TTN: variants seen among roughly 807,000 people sequenced by gnomAD.
TTN encodes the protein titin.
A neutral mutation model predicts 3,223.0 loss-of-function variants in TTN; 1,525 were observed. That is an observed-to-expected ratio of 0.47 (90% CI 0.45 to 0.49). The LOEUF is 0.49. Ranked by LOEUF, TTN falls within the 20% of genes least tolerant of loss-of-function variation. The pLI is 0.00. For missense variants in TTN, 40,786 were observed against 43,424.0 expected, an observed-to-expected ratio of 0.94 and a Z score of 5.40; for synonymous variants, 14,094 against 15,161.0, an observed-to-expected ratio of 0.93 and a Z score of 5.17.
At chr2:178,754,558 A>G (rs2086432164) in intron 46 of TTN, among the ~76,000 whole-genome samples, 1 of 152,194 alleles carries the variant, frequency 6.6e-6, no homozygotes, top group Admixed American at 6.6e-5. Context: ...GTGAGTTAAG[A>G]GATCTACATT....
chr2:178,670,014 AG>A (rs2066693120), intron 157 of TTN, among the ~76,000 whole-genome samples: 2 of 152,152 alleles, frequency 1.3e-5, no homozygotes, highest in South Asian at 4.1e-4. Context: ...ATTAAATAAG[AG>A]GATCAATACA....
intron 228 of TTN, 21 bp downstream of exon 228, chr2:178,635,144 T>A: frequency 6.2e-7 from 1 of 1,608,410 alleles, no homozygotes; most frequent in Non-Finnish European, 8.5e-7. Context: ...GACTAACAAT[T>A]TAAAATGTGA....
Position 178,539,131 on chromosome 2 carries a change from T to C in TTN, c.98804A>G (p.Glu32935Gly), listed in dbSNP as rs879037584. 1.2e-6 allele frequency: 2 copies of C among 1,613,808 alleles called. No homozygotes were observed. Among genetic ancestry groups the C allele is most frequent in the Non-Finnish European group, 1.7e-6 (2 of 1,179,744 alleles). Residue 32935 changes from glutamate to glycine, a missense_variant, in exon 353 of 363, where the codon GAA becomes GGA. Glu to Gly is a moderately conservative substitution (Grantham distance 98, BLOSUM62 -2). Transcript: ENST00000589042. ...CTTGTCAGTGGATGTCTCTTTGCGT[T>C]CGATGTAGTAGCCTGTGACTCTAGA... ...GGSRVTGYYI[E>G]RKETSTDKWV...
chr2:178,749,063 C>G, intron 47 of TTN: 1 of 1,612,792 alleles, frequency 6.2e-7, no homozygotes, highest in Non-Finnish European at 8.5e-7. Flanking sequence ...TATCTCTTCA[C>G]CAAGGGATTC....
chr2:178,567,321 C>T lies in TTN; in HGVS notation c.78811G>A (p.Val26271Ile), dbSNP rs748841355. ...GGQYILRASN[V>I]AGSKSFPVNV... ...ACTGGGAATGACTTAGAACCTGCAA[C>T]ATTGGAAGCTCTTAAAATATACTGC... Residue 26271 changes from valine to isoleucine, a missense_variant, in exon 326 of 363, where the codon GTT (valine) becomes ATT (isoleucine). Transcript: ENST00000589042. 2.5e-6 allele frequency: 4 copies of T among 1,605,466 alleles called. No individual in the cohort carries two copies. The highest frequency in any genetic ancestry group is 3.3e-4 in the Middle Eastern group (2 of 6,028).
chr2:178,533,242 T>C lies in TTN; in HGVS notation c.103373A>G (p.Tyr34458Cys), dbSNP rs754844309. The C allele has an allele frequency of 6.2e-7, 1 of 1,613,982 alleles. No homozygotes were observed. Among genetic ancestry groups the C allele is most frequent in the Admixed American group, 1.7e-5 (1 of 60,026 alleles). The stretch of plus-strand genomic sequence containing the variant: ...CTTACTCTTGAATTCCTGTTTCTTG[T>C]ACCTCAGGCGTTCCACTTGTAGGTG... ...QAHLQVERLR[Y>C]KKQEFKSKEE... Residue 34458 changes from tyrosine to cysteine, a missense_variant, in exon 358 of 363, where the codon TAC becomes TGC. Physicochemically the swap from Tyr to Cys is radical, Grantham distance 194. Coordinates refer to ENST00000589042, the MANE Select transcript of TTN (RefSeq NM_001267550.2).
intron 94 of TTN, 50 bp from the exon 95 acceptor site, chr2:178,712,643 C>A: frequency 1.9e-6 from 3 of 1,606,280 alleles, no homozygotes; most frequent in Non-Finnish European, 2.6e-6. Flanking sequence ...TACATACAGA[C>A]AAAGACACAT....
chr2:178,751,783 A>T, intron 47 of TTN: 2 of 1,613,206 alleles, frequency 1.2e-6, no homozygotes, highest in South Asian at 2.2e-5. Flanking sequence ...GCCGATTGTT[A>T]TGAAACCAAG....
At position 178,720,492 on chromosome 2, in the gene TTN, G is replaced by C. The variant is rs2154300676; in HGVS notation, c.23270C>G (p.Thr7757Arg). Residue 7757 changes from threonine to arginine, a missense_variant, in exon 80 of 363, where the codon ACA (threonine) becomes AGA (arginine). Coordinates refer to ENST00000589042, the MANE Select transcript of TTN (RefSeq NM_001267550.2). ...TTCAAGATTAAGGATATGAAGACTT[G>C]TATCAAAATGTTTTGAAGTGATTTT... ...KFKITSKHFD[T>R]SLHILNLEAS... 1 of 1,613,660 alleles carries C rather than the reference G, an allele frequency of 6.2e-7. No individual in the cohort carries two copies. The highest frequency in any genetic ancestry group is 1.7e-5 in the Admixed American group (1 of 59,994).
Position 178,552,697 on chromosome 2 carries a change from T to G in TTN, c.90203A>C (p.Glu30068Ala), listed in dbSNP as rs1281127111. 6.2e-7 allele frequency: 1 copy of G among 1,613,916 alleles called. No individual in the cohort carries two copies. Among genetic ancestry groups the G allele is most frequent in the Non-Finnish European group, 8.5e-7 (1 of 1,179,834 alleles). ...CGTCTGTTCACCTTTACCTTTCCTT[T>G]CTACAACATATTCTGTGATGACGCT... ...GGSVITEYVV[E>A]RKGKGEQTWS... Residue 30068 changes from glutamate to alanine, a missense_variant, in exon 335 of 363, where the codon GAA becomes GCA. By Grantham distance (107) the Glu-to-Ala change is moderately radical (BLOSUM62 -1). Coordinates refer to ENST00000589042, the MANE Select transcript of TTN (RefSeq NM_001267550.2).
rs752320611 is a variant in TTN at position 178,608,932 on chromosome 2, A to G, written c.52103-24T>C. The G allele has an allele frequency of 3.1e-6, 5 of 1,592,280 alleles. No homozygotes were observed. The South Asian group carries it at 5.7e-5, about 18-fold the overall frequency. ...ATCTAATATTTCAGAAGAGAACAGT[A>G]ATCAAAAATTTGTGTGGGAAGGGTT... On this transcript the variant is annotated intron_variant, in intron 273 of 362. Coordinates refer to ENST00000589042, the MANE Select transcript of TTN (RefSeq NM_001267550.2).
chr2:178,720,981 T>C lies in TTN; in HGVS notation c.23038A>G (p.Ile7680Val). The change falls in exon 79 of 363, where the codon ATT becomes GTT. Residue 7680 changes from isoleucine (I) to valine (V), a missense_variant. Ile to Val is a conservative substitution (Grantham distance 29, BLOSUM62 3). Transcript: ENST00000589042. ...CCAACACCATTATGAGCCTCACAAA[T>C]GTAGTCCCCGCTGTCTTCAGCACTA... ...EASAEDSGDY[I>V]CEAHNGVGDA... is the part of the protein sequence containing the mutation. 1.2e-6 allele frequency: 2 copies of C among 1,609,476 alleles called. No homozygotes were observed. The highest frequency in any genetic ancestry group is 1.7e-6 in the Non-Finnish European group (2 of 1,176,156).
chr2:178,602,200 G>T, intron 283 of TTN, 50 bp from the exon 284 acceptor site: 1 of 1,593,126 alleles, frequency 6.3e-7, no homozygotes, highest in Non-Finnish European at 8.5e-7. Context: ...TTTGTCAAAA[G>T]TAATTGAAAT....
In TTN at chr2:178,578,593, T is replaced by G; in HGVS notation, c.68329+18A>C. 1 of 1,579,882 alleles carries G rather than the reference T, an allele frequency of 6.3e-7. No individual in the cohort carries two copies. The highest frequency in any genetic ancestry group is 8.7e-7 in the Non-Finnish European group (1 of 1,152,818). ...GAATCTTGATGTAAAAGCTGTAGGA[T>G]AAGAACAAACAAAATACCTGTAATT... On this transcript the variant is annotated intron_variant, in intron 321 of 362. Coordinates refer to ENST00000589042, the MANE Select transcript of TTN (RefSeq NM_001267550.2).
In TTN at chr2:178,564,603, G is replaced by A. The variant is rs781633519; in HGVS notation, c.81529C>T (p.Pro27177Ser). ...ARDPCDPPGR[P>S]EAIVITRNNV... ...TTTCTTGTAATAACAATGGCTTCAG[G>A]GCGACCAGGTGGGTCACATGGATCA... The change falls in exon 326 of 363, where the codon CCT (proline) becomes TCT (serine). Residue 27177 changes from proline to serine, a missense_variant. Pro to Ser is a moderately conservative substitution (Grantham distance 74). Coordinates refer to ENST00000589042, the MANE Select transcript of TTN (RefSeq NM_001267550.2). The A allele has an allele frequency of 6.2e-7, 1 of 1,613,420 alleles. No individual in the cohort carries two copies. Among genetic ancestry groups the A allele is most frequent in the Non-Finnish European group, 8.5e-7 (1 of 1,179,676 alleles).
At chr2:178,673,049 C>T (rs1246467279) in intron 152 of TTN, among the ~76,000 whole-genome samples, 1 of 151,752 alleles carries the variant, frequency 6.6e-6, no homozygotes, top group Admixed American at 6.6e-5. Context: ...ACACTGGCCT[C>T]ACTTTCTGCT....
At chr2:178,637,464 A>T (rs771458242) in intron 223 of TTN, 45 bp from the exon 224 acceptor site, 4 of 1,289,952 alleles carry the variant, frequency 3.1e-6, no homozygotes, top group Non-Finnish European at 3.1e-6. Context: ...TTTCGGACTT[A>T]TTTCATGTTT....
In TTN at chr2:178,653,220, A is replaced by C; in HGVS notation, c.38791+18T>G. The C allele has an allele frequency of 1.2e-6, 2 of 1,611,528 alleles. No individual in the cohort carries two copies. The highest frequency in any genetic ancestry group is 1.7e-6 in the Non-Finnish European group (2 of 1,179,134). On this transcript the variant is annotated intron_variant, in intron 198 of 362. Coordinates refer to ENST00000589042, the MANE Select transcript of TTN (RefSeq NM_001267550.2). ...AAAAGAATTAGATCATCTGAAGCCTAAGGTCAGTGACAAATACCTTTAACA... is the reference window on the plus strand; with the variant it reads ...AAAAGAATTAGATCATCTGAAGCCTCAGGTCAGTGACAAATACCTTTAACA...
At chr2:178,649,948 T>A in intron 210 of TTN, 54 bp from the exon 211 acceptor site, 1 of 1,552,692 alleles carries the variant, frequency 6.4e-7, no homozygotes, top group Non-Finnish European at 8.8e-7. Flanking sequence ...AAAAATTTAA[T>A]GCTAATGAAT....
Sources: allele counts gnomAD v4.1 joint callset (sites outside exome capture counted in the v4.1 genomes callset), GRCh38; gene constraint gnomAD v4.1.1; transcripts MANE v1.5; gene names NCBI Gene and HGNC (gene_info 2026-07-23, HGNC 2026-07-21).